Variants in TMEM237 observed in about 807,000 individuals in gnomAD.
TMEM237 encodes amyotrophic lateral sclerosis 2 (juvenile) chromosome region, candidate 4.
A neutral mutation model predicts 59.1 loss-of-function variants in TMEM237; 51 were observed. The observed-to-expected ratio is 0.86, with a 90% CI of 0.69 to 1.09. TMEM237 has a LOEUF of 1.09. Ranked by LOEUF, TMEM237 falls within the 50% of genes least tolerant of loss-of-function variation. TMEM237 has a pLI of 0.00. For missense variants in TMEM237, 475 were observed against 478.3 expected, an observed-to-expected ratio of 0.99 and a Z score of 0.06; for synonymous variants, 140 against 166.1, an observed-to-expected ratio of 0.84 and a Z score of 1.21.
At chr2:201,632,025 T>C (rs762696452) in intron 7 of TMEM237, 26 bp downstream of exon 7, 15 of 1,611,942 alleles carry the variant, frequency 9.3e-6, no homozygotes, top group South Asian at 5.5e-5. Flanking sequence ...AAAGAGTTCA[T>C]ATTCTAAAAC....
chr2:201,627,080 G>GAA (rs35942565), intron 11 of TMEM237, among the ~76,000 whole-genome samples: 1 of 143,628 alleles, frequency 7.0e-6, no homozygotes, highest in Non-Finnish European at 1.5e-5. Flanking sequence ...ACTCTATCTC[G>GAA]AAAAAAAAAA....
Position 201,643,274 on chromosome 2 carries a change from G to GGCCCCCCCCCCCCA in TMEM237, c.42+84_42+85insTGGGGGGGGGGGGC. 8.3e-7 allele frequency: 1 copy of GGCCCCCCCCCCCCA among 1,206,750 alleles called. No individual in the cohort carries two copies. The highest frequency in any genetic ancestry group is 1.4e-5 in the South Asian group (1 of 74,072). The allele number at this position is 1,206,750 out of a possible 1,614,324, so 74.8% of individuals were successfully genotyped here. A position where few individuals can be genotyped will look rare whatever the true frequency, so the allele number is the denominator to read the frequency against. Reference sequence around the variant, plus strand: ...CCTTAGTGATTCCCAGCTCGTTGGCGCCCCCCCACACACACCCACCCCCAC... The same window carrying GGCCCCCCCCCCCCA: ...CCTTAGTGATTCCCAGCTCGTTGGCGGCCCCCCCCCCCCACCCCCCCACACACACCCACCCCCAC... On this transcript the variant is annotated intron_variant, in intron 1 of 12. Coordinates refer to ENST00000409883, the MANE Select transcript of TMEM237 (RefSeq NM_001044385.3). The surrounding 1 kb of genome is among the most constrained non-coding windows in gnomAD (Gnocchi z 4.3).
Position 201,623,363 on chromosome 2 carries a change from C to T in TMEM237, c.*892G>A, listed in dbSNP as rs1957727724. On this transcript the variant is annotated 3_prime_UTR_variant, in exon 13 of 13. Coordinates refer to ENST00000409883, the MANE Select transcript of TMEM237 (RefSeq NM_001044385.3). ...TGAAGAGATCTTTCCCAGTGCAGGACCCATCTCAAGAGGGGGATTTCCTGG... is the reference window on the plus strand; with the variant it reads ...TGAAGAGATCTTTCCCAGTGCAGGATCCATCTCAAGAGGGGGATTTCCTGG... 1 of 172,606 alleles carries T rather than the reference C, an allele frequency of 5.8e-6. No individual in the cohort carries two copies. The highest frequency in any genetic ancestry group is 1.3e-5 in the Non-Finnish European group (1 of 78,024). 10.7% of individuals were successfully genotyped at this position (172,606 alleles called of 1,614,324 possible). A position where few individuals can be genotyped will look rare whatever the true frequency, so the allele number is the denominator to read the frequency against.
chr2:201,641,667 T>C (rs1241793517), intron 1 of TMEM237, among the ~76,000 whole-genome samples: 2 of 151,394 alleles, frequency 1.3e-5, no homozygotes, highest in Non-Finnish European at 2.9e-5. Flanking sequence ...TATATTTATA[T>C]GCTATATTTA....
intron 6 of TMEM237, 27 bp downstream of exon 6, chr2:201,633,284 T>G (rs1006448758): frequency 6.3e-7 from 1 of 1,583,326 alleles, no homozygotes; most frequent in Non-Finnish European, 8.6e-7. Flanking sequence ...TCCTGGAGAA[T>G]AGTTAGAAGA....
chr2:201,639,154 G>T, intron 3 of TMEM237, 109 bp from the exon 4 acceptor site: 4 of 1,026,948 alleles, frequency 3.9e-6, no homozygotes, highest in East Asian at 2.6e-5. Flanking sequence ...TCTTCCCTGG[G>T]CCTGGCAAAC....
chr2:201,630,097 G>A (rs921845330), intron 7 of TMEM237, among the ~76,000 whole-genome samples: 12 of 151,926 alleles, frequency 7.9e-5, no homozygotes, highest in Admixed American at 7.2e-4. Context: ...CCAAAGTGAA[G>A]TAACAATTTC....
In TMEM237 at chr2:201,623,090, A is replaced by C. The variant is rs1224277477; in HGVS notation, c.*1165T>G. ...CGGCAGCTCCAGCCTTACAAACAGC[A>C]AAAGAGATTCCCAGTATAATGTTCA... On this transcript the variant is annotated 3_prime_UTR_variant, in exon 13 of 13. Transcript: ENST00000409883. 1.1e-5 allele frequency: 2 copies of C among 176,996 alleles called. No homozygotes were observed. The highest frequency in any genetic ancestry group is 4.7e-5 in the African/African-American group (2 of 42,554). 11.0% of individuals were successfully genotyped at this position (176,996 alleles called of 1,614,324 possible). A position where few individuals can be genotyped will look rare whatever the true frequency, so the allele number is the denominator to read the frequency against.
At chr2:201,626,259 CAAGT>C in intron 11 of TMEM237, 112 bp from the exon 12 acceptor site, 7 of 1,148,234 alleles carry the variant, frequency 6.1e-6, no homozygotes, top group Non-Finnish European at 8.5e-6. Flanking sequence ...AGAGAAATAA[CAAGT>C]AAAGTGTGAA....
Position 201,624,333 on chromosome 2 carries a change from A to T in TMEM237, c.1160-11T>A, listed in dbSNP as rs771523623. 1 of 1,605,894 alleles carries T rather than the reference A, an allele frequency of 6.2e-7. No homozygotes were observed. The highest frequency in any genetic ancestry group is 1.7e-5 in the Admixed American group (1 of 59,626). On this transcript the variant is annotated splice_polypyrimidine_tract_variant and intron_variant, in intron 12 of 12. Coordinates refer to ENST00000409883, the MANE Select transcript of TMEM237 (RefSeq NM_001044385.3). ...AGGAGAACATTAACTCTGGAGAAGAAAATGAACAGATCATACTTAAAATTG... is the reference window on the plus strand; with the variant it reads ...AGGAGAACATTAACTCTGGAGAAGATAATGAACAGATCATACTTAAAATTG...
chr2:201,643,265 C>T lies in TMEM237; in HGVS notation c.42+94G>A. 2 of 1,220,732 alleles carry T rather than the reference C, an allele frequency of 1.6e-6. No homozygotes were observed. Among genetic ancestry groups the T allele is most frequent in the South Asian group, 1.3e-5 (1 of 74,768 alleles). The allele number at this position is 1,220,732 out of a possible 1,614,324, so 75.6% of individuals were successfully genotyped here. ...AAGGCCCTCCCTTAGTGATTCCCAG[C>T]TCGTTGGCGCCCCCCCACACACACC... On this transcript the variant is annotated intron_variant, in intron 1 of 12. Coordinates refer to ENST00000409883, the MANE Select transcript of TMEM237 (RefSeq NM_001044385.3). The surrounding 1 kb of genome is among the most constrained non-coding windows in gnomAD (Gnocchi z 4.3).
chr2:201,636,847 G>T lies in TMEM237; in HGVS notation c.175C>A (p.Arg59=), dbSNP rs902145121. Residue 59 remains arginine (R), a synonymous_variant, in exon 5 of 13, where the codon CGA becomes AGA. Transcript: ENST00000409883. ...SLEGLAQTAG[R]RPSEGNEPST... The stretch of plus-strand genomic sequence containing the variant: ...GGCTCATTGCCCTCAGAGGGCCTTC[G>T]ACCAGCAGTCTGAGCAAGGCCTTCC... The T allele has an allele frequency of 6.2e-7, 1 of 1,607,366 alleles. No homozygotes were observed. The highest frequency in any genetic ancestry group is 1.1e-5 in the South Asian group (1 of 89,394).
At position 201,627,321 on chromosome 2, in the gene TMEM237, CA is replaced by C; in HGVS notation, c.1036del (p.Trp346GlyfsTer16). The C allele has an allele frequency of 6.2e-7, 1 of 1,600,556 alleles. No homozygotes were observed. The highest frequency in any genetic ancestry group is 8.5e-7 in the Non-Finnish European group (1 of 1,172,128). On this transcript the variant is annotated frameshift_variant and splice_region_variant, in exon 11 of 13. Transcript: ENST00000409883. LOFTEE classifies it high-confidence loss of function. ...YTPSSVNGSL[W>X]EAGIEEQILQ... ...TGCTAATGTCATTGTGAATTCTTACCAGAGGCTACCATTAACAGAAGAAGGT... is the reference window on the plus strand; with the variant it reads ...TGCTAATGTCATTGTGAATTCTTACCGAGGCTACCATTAACAGAAGAAGGT...
intron 11 of TMEM237, among the ~76,000 whole-genome samples, chr2:201,626,541 A>C: frequency 6.7e-6 from 1 of 149,772 alleles, no homozygotes; most frequent in African/African-American, 2.5e-5. Context: ...GGGGAAAAAA[A>C]AAAAAAAAAA....
In TMEM237 at chr2:201,629,297, G is replaced by C; in HGVS notation, c.802C>G (p.Leu268Val). The C allele has an allele frequency of 6.2e-7, 1 of 1,608,474 alleles. No homozygotes were observed. The highest frequency in any genetic ancestry group is 8.5e-7 in the Non-Finnish European group (1 of 1,178,610). Residue 268 changes from leucine (L) to valine (V), a missense_variant, in exon 9 of 13, where the codon CTA (leucine) becomes GTA (valine). Leu to Val is a conservative substitution (Grantham distance 32, BLOSUM62 1). Transcript: ENST00000409883. ...AGAAGACTCTGGAATGGATACGCTA[G>C]GGTCTTGTATTGTTGCAGAAGGTTT... ...LSNLLQQYKTLAYPFQSLLYL... is the reference protein window; with the variant it reads ...LSNLLQQYKTVAYPFQSLLYL...
In TMEM237 at chr2:201,635,875, T is replaced by C. The variant is rs1476892045; in HGVS notation, c.274+873A>G. ...TTTTGGACTTCTCACCTAAGAACTA[T>C]GAAAAAATAAACTGTTGTTTGAAGT... On this transcript the variant is annotated intron_variant, in intron 5 of 12. Transcript: ENST00000409883. This position sits in a 1 kb window ranked among gnomAD's most constrained non-coding sequence, Gnocchi z 4.5. Among the ~76,000 whole-genome samples, 1 of 152,148 alleles carries C rather than the reference T, an allele frequency of 6.6e-6. No individual in the cohort carries two copies. The highest frequency in any genetic ancestry group is 1.5e-5 in the Non-Finnish European group (1 of 68,016).
intron 1 of TMEM237, chr2:201,642,621 C>T (rs1416313030): frequency 9.3e-6 from 15 of 1,609,150 alleles, no homozygotes; most frequent in South Asian, 1.1e-5. Context: ...CAGGATTCTT[C>T]CCCATTCTGC....
At position 201,633,410 on chromosome 2, in the gene TMEM237, T is replaced by G; in HGVS notation, c.296A>C (p.Gln99Pro). 6.4e-7 allele frequency: 1 copy of G among 1,564,452 alleles called. No homozygotes were observed. The highest frequency in any genetic ancestry group is 8.7e-7 in the Non-Finnish European group (1 of 1,154,450). Reference protein sequence around the residue: ...LPLELETSSTQKKSSSSSLLR... With the variant: ...LPLELETSSTPKKSSSSSLLR... ...TAAAGATGAACTAGATGACTTCTTT[T>G]GGGTGGAGGAAGTCTCCAATTCTGA... The change falls in exon 6 of 13, where the codon CAA (glutamine) becomes CCA (proline). Residue 99 changes from glutamine (Q) to proline (P), a missense_variant. By Grantham distance (76) the Gln-to-Pro change is moderately conservative. Coordinates refer to ENST00000409883, the MANE Select transcript of TMEM237 (RefSeq NM_001044385.3).
intron 11 of TMEM237, 142 bp from the exon 12 acceptor site, chr2:201,626,289 C>T: frequency 1.1e-6 from 1 of 907,466 alleles, no homozygotes. Context: ...ATATAATTTC[C>T]CTGTAAAATA....
Sources: gnomAD v4.1 joint callset for allele counts (sites outside exome capture counted in the v4.1 genomes callset) on GRCh38, gnomAD v4.1.1 for gene constraint, Gnocchi (gnomAD v3.1) non-coding constraint, MANE v1.5 for transcripts, NCBI Gene and HGNC (gene_info 2026-07-23, HGNC 2026-07-21) for gene names.